Variants in GOLGB1 observed in about 807,000 individuals in gnomAD.
GOLGB1 encodes golgin B1.
Under a neutral mutation model 336.9 loss-of-function variants are expected in GOLGB1, and 174 were observed. The observed-to-expected ratio is 0.52, with a 90% confidence interval of 0.46 to 0.59. GOLGB1 has a LOEUF of 0.59. GOLGB1 is among the 20% of genes least tolerant of loss of function. The pLI is 0.00. For missense variants in GOLGB1, 3,331 were observed against 3,645.3 expected, an observed-to-expected ratio of 0.91 and a Z score of 2.22; for synonymous variants, 1,208 against 1,289.2, an observed-to-expected ratio of 0.94 and a Z score of 1.35.
At chr3:121,710,017 T>C (rs965700747) in intron 10 of GOLGB1, among the ~76,000 whole-genome samples, 3 of 81,802 alleles carry the variant, frequency 3.7e-5, no homozygotes, top group Non-Finnish European at 5.1e-5. Context: ...ATGACAAAAA[T>C]AGAACATTAG....
In GOLGB1 at chr3:121,696,187, T is replaced by C; in HGVS notation, c.4336A>G (p.Thr1446Ala). The C allele has an allele frequency of 7.4e-6, 12 of 1,614,092 alleles. No individual in the cohort carries two copies. Among genetic ancestry groups the C allele is most frequent in the South Asian group, 1.1e-5 (1 of 91,082 alleles). The change falls in exon 13 of 22, where the codon ACA becomes GCA. Residue 1446 changes from threonine to alanine, a missense_variant. Physicochemically the swap from Thr to Ala is moderately conservative, Grantham distance 58. Transcript: ENST00000614479. ...EQEDLIKALH[T>A]QLEMQAKEHD... is the part of the protein sequence containing the mutation. ...TCTTTGGCTTGCATTTCTAGCTGTG[T>C]ATGCAGAGCCTTAATTAAATCTTCT...
Position 121,719,702 on chromosome 3 carries a change from C to T in GOLGB1, c.715G>A (p.Glu239Lys), listed in dbSNP as rs149544503. 2 of 1,611,288 alleles carry T rather than the reference C, an allele frequency of 1.2e-6. No individual in the cohort carries two copies. The highest frequency in any genetic ancestry group is 1.1e-5 in the South Asian group (1 of 90,804). The part of the protein sequence containing the change: ...ARFETQVRLH[E>K]DELLQLVTQA... ...GTTACTAACTGAAGAAGCTCATCTT[C>T]ATGAAGACGAACTTGTGTTTCAAAG... Residue 239 changes from glutamate (E) to lysine (K), a missense_variant, in exon 7 of 22, where the codon GAA becomes AAA. Transcript: ENST00000614479.
chr3:121,749,336 C>T (rs911968553), intron 1 of GOLGB1, among the ~76,000 whole-genome samples: 2 of 152,196 alleles, frequency 1.3e-5, no homozygotes, highest in Non-Finnish European at 2.9e-5. Flanking sequence ...CGCTTTTCCC[C>T]GTCGCTCCCA....
intron 10 of GOLGB1, among the ~76,000 whole-genome samples, chr3:121,708,853 T>A (rs932543190): frequency 3.3e-5 from 5 of 151,872 alleles, no homozygotes; most frequent in African/African-American, 4.8e-5. Context: ...GAAAGCAAAA[T>A]GGTAGACCTA....
rs375093892 is a variant in GOLGB1 at position 121,691,752 on chromosome 3, G to C, written c.7612C>G (p.Leu2538Val). 6.2e-7 allele frequency: 1 copy of C among 1,613,276 alleles called. No individual in the cohort carries two copies. The highest frequency in any genetic ancestry group is 8.5e-7 in the Non-Finnish European group (1 of 1,179,334). ...TTCAGGTCTTCTCTATATTGGATCA[G>C]TTCTGCATCTAGCTTGGCATTCTCA... ...NSENAKLDAE[L>V]IQYREDLNQV... The change falls in exon 14 of 22, where the codon CTG (leucine) becomes GTG (valine). Residue 2538 changes from leucine to valine, a missense_variant. Coordinates refer to ENST00000614479, the MANE Select transcript of GOLGB1 (RefSeq NM_001366282.2).
At chr3:121,679,130 C>A (rs1346074984) in intron 15 of GOLGB1, among the ~76,000 whole-genome samples, 1 of 152,180 alleles carries the variant, frequency 6.6e-6, no homozygotes, top group Non-Finnish European at 1.5e-5. Context: ...TCTCCTTATT[C>A]TTCCAACTAA....
In GOLGB1 at chr3:121,703,765, T is replaced by TA. The variant is rs1943589982; in HGVS notation, c.1405-1171dup. 5.9e-5 allele frequency among the ~76,000 whole-genome samples: 9 copies of TA among 151,988 alleles called. No individual in the cohort carries two copies. The South Asian group carries it at 1.9e-3, about 32-fold the overall frequency. The stretch of plus-strand genomic sequence containing the variant: ...ACAAAACCATTCACACATAAAGAAA[T>TA]AGGAAAGAGTGACCCATTCTCAAGG... On this transcript the variant is annotated intron_variant, in intron 10 of 21. Transcript: ENST00000614479.
intron 10 of GOLGB1, among the ~76,000 whole-genome samples, chr3:121,703,755 C>A (rs1943588757): frequency 6.6e-6 from 1 of 151,860 alleles, no homozygotes; most frequent in Non-Finnish European, 1.5e-5. Flanking sequence ...ACCATTCACA[C>A]ATAAAGAAAT....
At position 121,696,238 on chromosome 3, in the gene GOLGB1, T is replaced by G; in HGVS notation, c.4285A>C (p.Lys1429Gln). Residue 1429 changes from lysine (K) to glutamine (Q), a missense_variant, in exon 13 of 22, where the codon AAA becomes CAA. Lys to Gln is a moderately conservative substitution (Grantham distance 53). Coordinates refer to ENST00000614479, the MANE Select transcript of GOLGB1 (RefSeq NM_001366282.2). Reference protein sequence around the residue: ...QLSEKEAALTKIQTEIIEQED... With the variant: ...QLSEKEAALTQIQTEIIEQED... ...TGTTCTATTATCTCTGTCTGTATTTTAGTGAGAGCTGCTTCTTTCTCACTA... is the reference window on the plus strand; with the variant it reads ...TGTTCTATTATCTCTGTCTGTATTTGAGTGAGAGCTGCTTCTTTCTCACTA... 6.2e-7 allele frequency: 1 copy of G among 1,614,140 alleles called. No homozygotes were observed. The highest frequency in any genetic ancestry group is 1.3e-5 in the African/African-American group (1 of 75,054).
At chr3:121,677,583 G>A in intron 15 of GOLGB1, 133 bp from the exon 16 acceptor site, 1 of 626,938 alleles carries the variant, frequency 1.6e-6, no homozygotes, top group Non-Finnish European at 2.7e-6. Context: ...GAAAGGCTAA[G>A]AAAAAGGTGG....
chr3:121,668,222 A>C, intron 18 of GOLGB1, 64 bp from the exon 19 acceptor site: 3 of 920,912 alleles, frequency 3.3e-6, no homozygotes, highest in Non-Finnish European at 3.4e-6. Context: ...ATTTGAGCAA[A>C]ATGAGAGCTC....
intron 14 of GOLGB1, among the ~76,000 whole-genome samples, chr3:121,688,164 CTCTCCCTCTCCCTCTCTCTCTCCCCATGG>C (rs1487672849): frequency 2.0e-5 from 3 of 150,306 alleles, no homozygotes; most frequent in South Asian, 2.1e-4. Context: ...TTCGCTCTCC[CTCTCCCTCTCCCTCTCTCTCTCCCCATGG>C]TCTCCCTCTC....
At chr3:121,677,125 AAG>A in intron 16 of GOLGB1, 95 bp from the exon 17 acceptor site, 1 of 1,489,486 alleles carries the variant, frequency 6.7e-7, no homozygotes, top group Non-Finnish European at 9.3e-7. Flanking sequence ...TAGAAGTCAT[AAG>A]GTGGCTTATG....
chr3:121,740,964 G>C (rs1209671997), intron 1 of GOLGB1, among the ~76,000 whole-genome samples: 1 of 151,492 alleles, frequency 6.6e-6, no homozygotes, highest in East Asian at 1.9e-4. Context: ...TTAGGCTTTA[G>C]GCTAAAAGAT....
chr3:121,733,066 G>A (rs561120587), intron 1 of GOLGB1, among the ~76,000 whole-genome samples: 100 of 152,086 alleles, frequency 6.6e-4, no homozygotes, highest in Non-Finnish European at 1.1e-3. Flanking sequence ...GCTCACGCCT[G>A]TAATCCCAGC....
intron 10 of GOLGB1, among the ~76,000 whole-genome samples, chr3:121,714,590 C>T (rs921244722): frequency 2.6e-5 from 4 of 151,832 alleles, no homozygotes; most frequent in Non-Finnish European, 5.9e-5. Flanking sequence ...GATTCATCTC[C>T]GATACAAATT....
chr3:121,711,880 T>C (rs1944389116), intron 10 of GOLGB1, among the ~76,000 whole-genome samples: 1 of 152,214 alleles, frequency 6.6e-6, no homozygotes, highest in Admixed American at 6.5e-5. Context: ...AGTAGTGTTG[T>C]CAATTCTTAA....
At chr3:121,735,545 A>C (rs1211286347) in intron 1 of GOLGB1, among the ~76,000 whole-genome samples, 1 of 152,182 alleles carries the variant, frequency 6.6e-6, no homozygotes, top group Non-Finnish European at 1.5e-5. Flanking sequence ...TTCATTGTAC[A>C]CTAGGGTTAA....
At chr3:121,733,287 C>CAAAA (rs35457720) in intron 1 of GOLGB1, among the ~76,000 whole-genome samples, 6 of 64,628 alleles carry the variant, frequency 9.3e-5, no homozygotes, top group Non-Finnish European at 1.6e-4. Flanking sequence ...TGCTCCGTCT[C>CAAAA]AAAAAAAAAA....
Sources: allele counts gnomAD v4.1 joint callset (sites outside exome capture counted in the v4.1 genomes callset), GRCh38; gene constraint gnomAD v4.1.1; transcripts MANE v1.5; gene names NCBI Gene and HGNC (gene_info 2026-07-23, HGNC 2026-07-21).